Variants in LARP4B observed in about 807,000 individuals in gnomAD.
LARP4B encodes the protein la-related protein 4B.
In LARP4B, 12 loss-of-function variants were observed where a neutral mutation model predicts 89.8. That is an observed-to-expected ratio of 0.13 (90% CI 0.09 to 0.22). LARP4B has a LOEUF of 0.22. Ranked by LOEUF, LARP4B falls within the 10% of genes least tolerant of loss-of-function variation. The probability of loss-of-function intolerance (pLI) is 1.00; values close to 1 mark genes in which losing one functional copy is unlikely to be tolerated. For synonymous variants in LARP4B, 367 were observed against 363.3 expected (o/e 1.01, Z -0.12); for missense variants, 757 against 947.7 (o/e 0.80, Z 2.64).
In LARP4B at chr10:885,709, G is replaced by C; in HGVS notation, c.13C>G (p.Gln5Glu). 1 of 1,613,972 alleles carries C rather than the reference G, an allele frequency of 6.2e-7. No homozygotes were observed. Among genetic ancestry groups the C allele is most frequent in the Non-Finnish European group, 8.5e-7 (1 of 1,179,884 alleles). Residue 5 changes from glutamine (Q) to glutamate (E), a missense_variant, in exon 2 of 18, where the codon CAG becomes GAG. By Grantham distance (29) the Gln-to-Glu change is conservative. Coordinates refer to ENST00000316157, the MANE Select transcript of LARP4B (RefSeq NM_015155.3). Reference protein sequence around the residue: MTSDQDAKVVAEPQT... With the variant: MTSDEDAKVVAEPQT... ...GGTTCAGCCACAACCTTAGCGTCCT[G>C]ATCAGAAGTCATGGGCTCCACTGGG... is the stretch of plus-strand genomic sequence containing the variant.
At chr10:856,501 T>C (rs1468942839) in intron 5 of LARP4B, among the ~76,000 whole-genome samples, 1 of 152,132 alleles carries the variant, frequency 6.6e-6, no homozygotes, top group Non-Finnish European at 1.5e-5. Context: ...GACAGACAGA[T>C]AAATAGAGAA....
intron 5 of LARP4B, among the ~76,000 whole-genome samples, chr10:854,059 G>C (rs1834183007): frequency 6.6e-6 from 1 of 152,188 alleles, no homozygotes; most frequent in African/African-American, 2.4e-5. Context: ...TCTTCACCAG[G>C]AATACATTCT....
At chr10:841,096 T>C (rs561457485) in intron 7 of LARP4B, among the ~76,000 whole-genome samples, 2 of 152,310 alleles carry the variant, frequency 1.3e-5, no homozygotes, top group South Asian at 2.1e-4. Flanking sequence ...AGAGTTGCGA[T>C]GAGCTGAGAT....
At chr10:902,307 G>A (rs1836365942) in intron 1 of LARP4B, among the ~76,000 whole-genome samples, 1 of 152,212 alleles carries the variant, frequency 6.6e-6, no homozygotes, top group Admixed American at 6.5e-5. Context: ...ACATTGTTTT[G>A]CACAAGCCCT....
chr10:935,394 T>G (rs1183017298), upstream of LARP4B, among the ~76,000 whole-genome samples: 1 of 152,164 alleles, frequency 6.6e-6, no homozygotes, highest in African/African-American at 2.4e-5. Flanking sequence ...TACTTGGATG[T>G]CTCCTTCTGG....
In LARP4B at chr10:813,216, G is replaced by A; in HGVS notation, c.1930-3C>T. On this transcript the variant is annotated splice_region_variant and splice_polypyrimidine_tract_variant and intron_variant, in intron 17 of 17. Transcript: ENST00000316157. ...GCGTAGCTGGGCTTTCGCAATTCCT[G>A]GAAACAGACAATCCTGGGTTACCTG... 1 of 1,604,470 alleles carries A rather than the reference G, an allele frequency of 6.2e-7. No individual in the cohort carries two copies. Among genetic ancestry groups the A allele is most frequent in the Non-Finnish European group, 8.5e-7 (1 of 1,176,098 alleles).
chr10:932,602 C>T (rs1208526253), upstream of LARP4B, among the ~76,000 whole-genome samples: 1 of 132,978 alleles, frequency 7.5e-6, no homozygotes, highest in Admixed American at 7.3e-5. Context: ...CCGGCCCTGC[C>T]CCGAACGCCC....
the LARP4B span, among the ~76,000 whole-genome samples, chr10:944,666 C>T: frequency 2.9e-4 from 44 of 152,374 alleles, no homozygotes; most frequent in Admixed American, 7.2e-4. Context: ...CGTGTCTGGG[C>T]GTTGCCCCCG....
At chr10:919,038 G>C (rs920002865) in intron 1 of LARP4B, among the ~76,000 whole-genome samples, 3 of 152,140 alleles carry the variant, frequency 2.0e-5, no homozygotes, top group Non-Finnish European at 1.5e-5. Context: ...CGGAGATCAA[G>C]CCACTGCACT....
At chr10:862,434 G>A (rs1304619702) in intron 5 of LARP4B, among the ~76,000 whole-genome samples, 2 of 152,052 alleles carry the variant, frequency 1.3e-5, no homozygotes, top group Non-Finnish European at 2.9e-5. Context: ...CTGGTCACTG[G>A]GATAACGAAA....
intron 1 of LARP4B, among the ~76,000 whole-genome samples, chr10:895,627 C>T (rs533883253): frequency 6.7e-6 from 1 of 149,006 alleles, no homozygotes; most frequent in Admixed American, 6.7e-5. Context: ...GAGCTGAAAG[C>T]GCACCACTAT....
intron 5 of LARP4B, among the ~76,000 whole-genome samples, chr10:858,559 T>C (rs574179680): frequency 6.6e-6 from 1 of 152,302 alleles, no homozygotes; most frequent in South Asian, 2.1e-4. Flanking sequence ...ATTATGAACA[T>C]TTTAAATTTT....
chr10:958,628 T>C, the LARP4B span, among the ~76,000 whole-genome samples: 10 of 152,360 alleles, frequency 6.6e-5, no homozygotes, highest in African/African-American at 2.4e-4. Flanking sequence ...CATCCTTCTT[T>C]GTTAGCACAA....
chr10:935,722 C>CTTTTTTTTTTTTTTTTTTTTTT (rs10711022), upstream of LARP4B, among the ~76,000 whole-genome samples: 40 of 83,876 alleles, frequency 4.8e-4, no homozygotes, highest in East Asian at 6.8e-4. Flanking sequence ...CTTTTCTTTT[C>CTTTTTTTTTTTTTTTTTTTTTT]TTTTTTTTTT....
upstream of LARP4B, among the ~76,000 whole-genome samples, chr10:934,017 A>G (rs1830718200): frequency 6.6e-6 from 1 of 151,846 alleles, no homozygotes; most frequent in African/African-American, 2.4e-5. Flanking sequence ...TATTTTTAGT[A>G]GAGATGGGGT....
At chr10:978,255 T>C in the LARP4B span, among the ~76,000 whole-genome samples, 2 of 152,232 alleles carry the variant, frequency 1.3e-5, no homozygotes, top group East Asian at 3.8e-4. Context: ...GATGGATGTT[T>C]ACCTCGTTAA....
chr10:947,498 T>C, the LARP4B span, among the ~76,000 whole-genome samples: 1 of 152,110 alleles, frequency 6.6e-6, no homozygotes, highest in South Asian at 2.1e-4. Context: ...CAGAACAAAA[T>C]GTTCTGTGGC....
At chr10:866,689 T>C (rs1564417873) in intron 3 of LARP4B, among the ~76,000 whole-genome samples, 1 of 152,258 alleles carries the variant, frequency 6.6e-6, no homozygotes, top group Non-Finnish European at 1.5e-5. Flanking sequence ...TTCCATTCCA[T>C]CCACTTAGCT....
intron 14 of LARP4B, chr10:820,314 C>T (rs1266585259): frequency 6.5e-6 from 1 of 154,494 alleles, no homozygotes; most frequent in Non-Finnish European, 1.4e-5. Context: ...TTGGGTCTGT[C>T]CTGCCAGTAA....
Sources: allele counts gnomAD v4.1 joint callset (sites outside exome capture counted in the v4.1 genomes callset), GRCh38; gene constraint gnomAD v4.1.1; transcripts MANE v1.5; gene names NCBI Gene and HGNC (gene_info 2026-07-23, HGNC 2026-07-21).